UBE2V2: variants seen among roughly 807,000 people sequenced by gnomAD.
The protein encoded by UBE2V2 is ubiquitin-conjugating enzyme E2 variant 2.
Under a neutral mutation model 17.2 loss-of-function variants are expected in UBE2V2, and 9 were observed. The ratio of observed to expected loss-of-function variants is 0.52; its 90% CI spans 0.32 to 0.91. The LOEUF is 0.91. UBE2V2 is among the 40% of genes least tolerant of loss of function. The pLI is 0.04. For missense variants in UBE2V2, 133 were observed against 182.6 expected (o/e 0.73, Z 1.56); for synonymous variants, 61 against 57.5 (o/e 1.06, Z -0.28).
chr8:48,036,083 C>A (rs2091423092), intron 1 of UBE2V2, among the ~76,000 whole-genome samples: 1 of 151,084 alleles, frequency 6.6e-6, no homozygotes, highest in African/African-American at 2.4e-5. Flanking sequence ...GCCTCCGGAG[C>A]AGCTCAGACT....
chr8:48,017,913 C>G (rs926469467), intron 1 of UBE2V2, among the ~76,000 whole-genome samples: 6 of 149,302 alleles, frequency 4.0e-5, no homozygotes, highest in African/African-American at 1.5e-4. Context: ...GTGGCATAGT[C>G]ACGGCTCGCT....
chr8:48,008,754 C>T (rs902528320), intron 1 of UBE2V2, among the ~76,000 whole-genome samples: 2 of 151,362 alleles, frequency 1.3e-5, no homozygotes. Context: ...GGCGCGGGTC[C>T]GAGTTGTAGG....
the UBE2V2 span, among the ~76,000 whole-genome samples, chr8:48,002,096 A>G: frequency 6.6e-6 from 1 of 152,210 alleles, no homozygotes. Flanking sequence ...TCAGAAAAAA[A>G]AAAAGGGCAA....
intron 1 of UBE2V2, among the ~76,000 whole-genome samples, chr8:48,011,805 T>G (rs1258245015): frequency 6.6e-6 from 1 of 152,052 alleles, no homozygotes; most frequent in East Asian, 1.9e-4. Context: ...AGGCACGCAT[T>G]GCCACACCTG....
chr8:48,020,046 CTTTT>C (rs777644132), intron 1 of UBE2V2, among the ~76,000 whole-genome samples: 1 of 142,512 alleles, frequency 7.0e-6, no homozygotes. Flanking sequence ...CTCTGTCTCT[CTTTT>C]TTTTTTTTTT....
chr8:48,006,948 T>C (rs1300860651), upstream of UBE2V2, among the ~76,000 whole-genome samples: 2 of 152,054 alleles, frequency 1.3e-5, no homozygotes, highest in African/African-American at 2.4e-5. Context: ...TGTCGCCATC[T>C]CGGTTCACTG....
chr8:48,016,826 G>A (rs559951244), intron 1 of UBE2V2, among the ~76,000 whole-genome samples: 9 of 136,444 alleles, frequency 6.6e-5, no homozygotes, highest in Non-Finnish European at 1.4e-4. Context: ...TCGCTCTGTC[G>A]CCTAGGCTGG....
At chr8:48,022,781 C>T (rs145061400) in intron 1 of UBE2V2, among the ~76,000 whole-genome samples, 17 of 150,590 alleles carry the variant, frequency 1.1e-4, no homozygotes, top group African/African-American at 4.1e-4. Flanking sequence ...ACAGCTTTGT[C>T]TAAAGGACAG....
chr8:48,023,751 TTATAGCTCCAGCTACTTGG>T (rs750122734), intron 1 of UBE2V2, among the ~76,000 whole-genome samples: 5 of 151,940 alleles, frequency 3.3e-5, no homozygotes, highest in Non-Finnish European at 7.4e-5. Context: ...TGGTGCTTGC[TTATAGCTCCAGCTACTTGG>T]GAGGCTGAGG....
At chr8:48,060,296 C>T (rs1206724778) in intron 3 of UBE2V2, among the ~76,000 whole-genome samples, 1 of 149,314 alleles carries the variant, frequency 6.7e-6, no homozygotes, top group Non-Finnish European at 1.5e-5. Context: ...AAGAAGAGAT[C>T]AGGTTAGTAG....
At chr8:48,033,966 G>A (rs1359801846) in intron 1 of UBE2V2, among the ~76,000 whole-genome samples, 1 of 151,942 alleles carries the variant, frequency 6.6e-6, no homozygotes, top group Non-Finnish European at 1.5e-5. Context: ...CTAAAAAAAA[G>A]AAGAAAGTCC....
At chr8:48,058,065 G>A (rs1038294486) in intron 3 of UBE2V2, among the ~76,000 whole-genome samples, 1 of 152,152 alleles carries the variant, frequency 6.6e-6, no homozygotes, top group Non-Finnish European at 1.5e-5. Context: ...TGGTGGTGGC[G>A]GCTCATGCCT....
intron 1 of UBE2V2, among the ~76,000 whole-genome samples, chr8:48,038,028 A>G (rs532272152): frequency 2.0e-5 from 3 of 152,174 alleles, no homozygotes; most frequent in African/African-American, 7.2e-5. Flanking sequence ...GCAGTCCCCA[A>G]ACATTGCCCA....
chr8:48,049,742 C>A (rs2091522348), intron 2 of UBE2V2, 111 bp from the exon 3 acceptor site: 3 of 929,144 alleles, frequency 3.2e-6, no homozygotes, highest in African/African-American at 1.7e-5. Context: ...TAATCATAAA[C>A]ACTGTCTTAC....
At chr8:48,055,689 A>G (rs1310010095) in intron 3 of UBE2V2, among the ~76,000 whole-genome samples, 1 of 152,024 alleles carries the variant, frequency 6.6e-6, no homozygotes, top group Non-Finnish European at 1.5e-5. Context: ...TTCTTCCCAA[A>G]GCAAATCTGT....
At chr8:48,005,022 C>CTTTTTTT (rs111769503), upstream of UBE2V2, among the ~76,000 whole-genome samples, 1 of 138,232 alleles carries the variant, frequency 7.2e-6, no homozygotes. Context: ...ACTTTTTCTC[C>CTTTTTTT]TTTTTTTTTT....
rs1802588531 is a variant in UBE2V2, at chr8:48,061,307, T to A, written c.*479T>A. On this transcript the variant is annotated 3_prime_UTR_variant, in exon 4 of 4. Coordinates refer to ENST00000523111, the MANE Select transcript of UBE2V2 (RefSeq NM_003350.3). Reference sequence around the variant, plus strand: ...AAGCAATGTGGGTGCTGACTACTAGTAGTATCAAAAATATGTTCAGGATTG... The same window carrying A: ...AAGCAATGTGGGTGCTGACTACTAGAAGTATCAAAAATATGTTCAGGATTG... 2 of 152,544 alleles carry A rather than the reference T, an allele frequency of 1.3e-5. No homozygotes were observed. The highest frequency in any genetic ancestry group is 4.1e-4 in the South Asian group (2 of 4,834). 9.4% of individuals were successfully genotyped at this position (152,544 alleles called of 1,614,324 possible).
intron 2 of UBE2V2, among the ~76,000 whole-genome samples, chr8:48,048,868 A>T (rs1046247464): frequency 5.3e-5 from 8 of 151,844 alleles, no homozygotes; most frequent in Non-Finnish European, 8.8e-5. Context: ...TTATTTATGT[A>T]TATATTTTTA....
At chr8:48,024,978 G>A (rs1167262586) in intron 1 of UBE2V2, among the ~76,000 whole-genome samples, 2 of 149,280 alleles carry the variant, frequency 1.3e-5, no homozygotes, top group East Asian at 1.9e-4. Flanking sequence ...TCTGTTGCCC[G>A]GGCTGGAGTG....
Sources: allele counts gnomAD v4.1 joint callset (sites outside exome capture counted in the v4.1 genomes callset), GRCh38; gene constraint gnomAD v4.1.1; transcripts MANE v1.5; gene names NCBI Gene and HGNC (gene_info 2026-07-23, HGNC 2026-07-21).